ZNF492: variants seen among roughly 807,000 people sequenced by gnomAD.
ZNF492 encodes the protein zinc finger protein 492.
ZNF492 carries 3 observed loss-of-function variants against 6.4 expected under a neutral mutation model. That is an observed-to-expected ratio of 0.47 (90% CI 0.21 to 1.22). ZNF492 has a LOEUF of 1.22. ZNF492 is among the 50% of genes most tolerant of loss of function. ZNF492 has a pLI of 0.22. For synonymous variants in ZNF492, 112 were observed against 205.3 expected (o/e 0.55, Z 3.89); for missense variants, 356 against 612.5 (o/e 0.58, Z 4.42).
intron 2 of ZNF492, 122 bp downstream of exon 2, chr19:22,653,555 A>G (rs1450353351): frequency 1.8e-6 from 2 of 1,118,734 alleles, no homozygotes; most frequent in Non-Finnish European, 2.4e-6. Flanking sequence ...TAACTTCAAG[A>G]TTTGTCTATG....
At position 22,664,017 on chromosome 19, in the gene ZNF492, C is replaced by T. The variant is rs1258170206; in HGVS notation, c.348C>T (p.Asp116=). ...CCCAGAACAAAATATTTCAATGTGACAAATATGTGAAAGTCTTTCATAAAT... is the reference window on the plus strand; with the variant it reads ...CCCAGAACAAAATATTTCAATGTGATAAATATGTGAAAGTCTTTCATAAAT... The part of the protein sequence containing the change: ...TTTQNKIFQC[D]KYVKVFHKFS... The change falls in exon 4 of 4, where the codon GAC becomes GAT. Residue 116 remains aspartate, a synonymous_variant. Transcript: ENST00000456783. 5.6e-6 allele frequency: 9 copies of T among 1,608,668 alleles called. No homozygotes were observed. Among genetic ancestry groups the T allele is most frequent in the Admixed American group, 1.7e-5 (1 of 58,576 alleles).
chr19:22,653,434 G>A lies in ZNF492; in HGVS notation c.34+1G>A. The A allele has an allele frequency of 1.2e-6, 2 of 1,613,570 alleles. No homozygotes were observed. Among genetic ancestry groups the A allele is most frequent in the South Asian group, 1.1e-5 (1 of 90,938 alleles). On this transcript the variant is annotated splice_donor_variant, in intron 2 of 3. Coordinates refer to ENST00000456783, the MANE Select transcript of ZNF492 (RefSeq NM_020855.3). LOFTEE classifies it high-confidence loss of function. Reference sequence around the variant, plus strand: ...AACTACAGAAACCTGGTCTTCGTGGGTGAGGATAACTTCAATATACAATTC... The same window carrying A: ...AACTACAGAAACCTGGTCTTCGTGGATGAGGATAACTTCAATATACAATTC...
At chr19:22,659,589 CACAGAG>C (rs1244505298) in intron 3 of ZNF492, among the ~76,000 whole-genome samples, 5 of 149,928 alleles carry the variant, frequency 3.3e-5, no homozygotes, top group Admixed American at 1.3e-4. Context: ...CACACACACA[CACAGAG>C]AGAGAGAGAG....
At chr19:22,661,794 C>T (rs1253843274) in intron 3 of ZNF492, among the ~76,000 whole-genome samples, 4 of 152,028 alleles carry the variant, frequency 2.6e-5, no homozygotes, top group African/African-American at 4.8e-5. Flanking sequence ...CAGGGTTTCA[C>T]TATGTTGCCC....
At chr19:22,642,384 CTTTTTTTT>C (rs869202400) in intron 1 of ZNF492, among the ~76,000 whole-genome samples, 4 of 85,474 alleles carry the variant, frequency 4.7e-5, no homozygotes, top group African/African-American at 2.2e-4. Flanking sequence ...AACCTTTTGT[CTTTTTTTT>C]TTTTTTTTTT....
intron 1 of ZNF492, among the ~76,000 whole-genome samples, chr19:22,639,692 T>C (rs7250964): frequency 0.22 from 28,239 of 127,142 alleles, 3,519 homozygotes; most frequent in African/African-American, 0.41. Context: ...GCCTGGGCAA[T>C]AAGAGCGAAA....
chr19:22,664,415 G>C lies in ZNF492; in HGVS notation c.746G>C (p.Gly249Ala). ...NLTTHKRIHT[G>A]EKPYKCEECG... is the part of the protein sequence containing the mutation. ...ACTACACATAAGAGAATTCATACTG[G>C]AGAGAAACCCTACAAATGTGAAGAA... The change falls in exon 4 of 4, where the codon GGA (glycine) becomes GCA (alanine). Residue 249 changes from glycine (G) to alanine (A), a missense_variant. By Grantham distance (60) the Gly-to-Ala change is moderately conservative (BLOSUM62 0). Around this residue, in one of 7 missense-constraint regions of ZNF492, gnomAD observed 7 missense variants for 68.6 expected, o/e 0.10. Coordinates refer to ENST00000456783, the MANE Select transcript of ZNF492 (RefSeq NM_020855.3). 2 of 1,529,452 alleles carry C rather than the reference G, an allele frequency of 1.3e-6. No homozygotes were observed. Among genetic ancestry groups the C allele is most frequent in the South Asian group, 1.2e-5 (1 of 82,722 alleles). The allele number at this position is 1,529,452 out of a possible 1,614,324, so 94.7% of individuals were successfully genotyped here. A position where few individuals can be genotyped will look rare whatever the true frequency, so the allele number is the denominator to read the frequency against.
intron 1 of ZNF492, among the ~76,000 whole-genome samples, chr19:22,649,215 T>A (rs1971915267): frequency 6.6e-6 from 1 of 152,210 alleles, no homozygotes; most frequent in South Asian, 2.1e-4. Context: ...TATAAAATTC[T>A]GGGTTCAAAA....
At chr19:22,660,426 T>G (rs193155776) in intron 3 of ZNF492, among the ~76,000 whole-genome samples, 27,653 of 149,230 alleles carry the variant, frequency 0.19, 3,383 homozygotes, top group African/African-American at 0.35. Flanking sequence ...TTTTTTTTTT[T>G]GGTGGCACCT....
intron 1 of ZNF492, among the ~76,000 whole-genome samples, chr19:22,637,708 G>T (rs35731237): frequency 0.19 from 29,457 of 152,102 alleles, 3,718 homozygotes; most frequent in African/African-American, 0.37. Flanking sequence ...CTTTATAATA[G>T]AATAATTTAT....
intron 1 of ZNF492, among the ~76,000 whole-genome samples, chr19:22,652,289 G>A (rs1386506238): frequency 5.8e-5 from 7 of 119,902 alleles, no homozygotes; most frequent in South Asian, 2.5e-4. Flanking sequence ...CTGCAGTGGC[G>A]CAATCTCGGC....
At chr19:22,643,057 A>T (rs112778685) in intron 1 of ZNF492, among the ~76,000 whole-genome samples, 29,428 of 152,004 alleles carry the variant, frequency 0.19, 3,718 homozygotes, top group African/African-American at 0.37. Context: ...TGAGGTCAGG[A>T]GTTTGAGACC....
chr19:22,648,983 A>G (rs1338490137), intron 1 of ZNF492, among the ~76,000 whole-genome samples: 1 of 152,178 alleles, frequency 6.6e-6, no homozygotes, highest in Non-Finnish European at 1.5e-5. Flanking sequence ...TCATGATGGC[A>G]TCTGGTTATT....
intron 3 of ZNF492, among the ~76,000 whole-genome samples, chr19:22,662,466 C>G (rs58037286): frequency 0.18 from 27,100 of 151,304 alleles, 1,809 homozygotes; most frequent in African/African-American, 0.33. Flanking sequence ...GGATGGCTGG[C>G]TCAAATGGTA....
At chr19:22,645,772 T>C (rs1166164119) in intron 1 of ZNF492, among the ~76,000 whole-genome samples, 1 of 152,242 alleles carries the variant, frequency 6.6e-6, no homozygotes, top group Admixed American at 6.5e-5. Flanking sequence ...ATTTATTGAA[T>C]AGAAAATCCT....
chr19:22,657,799 C>T (rs1972012267), intron 3 of ZNF492, among the ~76,000 whole-genome samples: 1 of 152,000 alleles, frequency 6.6e-6, no homozygotes, highest in Admixed American at 6.6e-5. Flanking sequence ...ATAGATCAGC[C>T]TTATCTCTAT....
chr19:22,651,815 A>T (rs541111854), intron 1 of ZNF492, among the ~76,000 whole-genome samples: 1 of 151,832 alleles, frequency 6.6e-6, no homozygotes, highest in East Asian at 1.9e-4. Flanking sequence ...GCTTATTTAA[A>T]TGGGATGGCA....
chr19:22,645,294 A>T (rs1599396296), intron 1 of ZNF492, among the ~76,000 whole-genome samples: 1 of 151,536 alleles, frequency 6.6e-6, no homozygotes, highest in African/African-American at 2.4e-5. Flanking sequence ...CGATCCACCC[A>T]CCTTGGCCTC....
intron 3 of ZNF492, among the ~76,000 whole-genome samples, chr19:22,657,616 CAA>C (rs1006786667): frequency 2.0e-4 from 30 of 151,864 alleles, no homozygotes; most frequent in African/African-American, 7.0e-4. Flanking sequence ...AATGCTACAT[CAA>C]GTTACATACC....
Sources: gnomAD v4.1 joint callset for allele counts (sites outside exome capture counted in the v4.1 genomes callset) on GRCh38, gnomAD v4.1.1 for gene constraint, gnomAD v4.1.1 regional missense constraint, MANE v1.5 for transcripts, NCBI Gene and HGNC (gene_info 2026-07-23, HGNC 2026-07-21) for gene names.